Variants in GALNT13 observed in about 807,000 individuals in gnomAD.
GALNT13 encodes polypeptide N-acetylgalactosaminyltransferase 13, also known as UDP-GalNAc:polypeptide N-acetylgalactosaminyltransferase 13.
In GALNT13, 28 loss-of-function variants were observed where a neutral mutation model predicts 64.2. The ratio of observed to expected loss-of-function variants is 0.44; its 90% CI spans 0.32 to 0.60. The LOEUF is 0.60. Among genes scored for constraint, GALNT13 ranks in the 20% least tolerant of loss-of-function variants. The pLI, the probability that GALNT13 is intolerant of heterozygous loss-of-function variation, is 0.05. For synonymous variants in GALNT13, 214 were observed against 224.6 expected (o/e 0.95, Z 0.42); for missense variants, 577 against 669.8 (o/e 0.86, Z 1.53).
chr2:154,155,889 T>C (rs1336634352), intron 4 of GALNT13, among the ~76,000 whole-genome samples: 1 of 150,700 alleles, frequency 6.6e-6, no homozygotes, highest in Non-Finnish European at 1.5e-5. Flanking sequence ...AAATGGAGCA[T>C]ATTAATGGTT....
the GALNT13 span, among the ~76,000 whole-genome samples, chr2:153,705,609 A>G: frequency 6.6e-6 from 1 of 152,332 alleles, no homozygotes; most frequent in African/African-American, 2.4e-5. Context: ...ACAAACAGCT[A>G]TCTGAAACAT....
chr2:154,233,280 G>A (rs769986414), intron 4 of GALNT13, among the ~76,000 whole-genome samples: 1 of 152,070 alleles, frequency 6.6e-6, no homozygotes, highest in Non-Finnish European at 1.5e-5. Context: ...TTTAAGGAAG[G>A]TCTTTTAATG....
At chr2:153,199,730 A>G in the GALNT13 span, among the ~76,000 whole-genome samples, 2 of 152,334 alleles carry the variant, frequency 1.3e-5, no homozygotes, top group African/African-American at 4.8e-5. Context: ...GTAAAATTCA[A>G]GACAGTAAAT....
chr2:154,411,827 A>G (rs1474642733), intron 11 of GALNT13, among the ~76,000 whole-genome samples: 2 of 151,734 alleles, frequency 1.3e-5, no homozygotes, highest in Non-Finnish European at 3.0e-5. Flanking sequence ...GTTGTGTTGC[A>G]TTACCCTGAT....
At chr2:154,365,243 T>C (rs1169854495) in intron 9 of GALNT13, among the ~76,000 whole-genome samples, 1 of 152,206 alleles carries the variant, frequency 6.6e-6, no homozygotes, top group Non-Finnish European at 1.5e-5. Flanking sequence ...TCTGGGTTTC[T>C]AAGAATAGAT....
At chr2:153,100,783 C>G in the GALNT13 span, among the ~76,000 whole-genome samples, 1 of 152,162 alleles carries the variant, frequency 6.6e-6, no homozygotes, top group Non-Finnish European at 1.5e-5. Flanking sequence ...AATCCCAGCA[C>G]TTTGCGGGGC....
At chr2:153,618,182 G>A in the GALNT13 span, among the ~76,000 whole-genome samples, 1 of 151,602 alleles carries the variant, frequency 6.6e-6, no homozygotes, top group African/African-American at 2.4e-5. Flanking sequence ...CTCTCTGAGT[G>A]CTGCTTTTGC....
chr2:153,629,939 C>A, the GALNT13 span, among the ~76,000 whole-genome samples: 5 of 147,850 alleles, frequency 3.4e-5, no homozygotes, highest in East Asian at 3.9e-4. Flanking sequence ...AAATCAAAAC[C>A]ACTATGAGAT....
the GALNT13 span, among the ~76,000 whole-genome samples, chr2:153,438,584 C>T: frequency 6.6e-6 from 1 of 152,136 alleles, no homozygotes; most frequent in East Asian, 1.9e-4. Flanking sequence ...TTTCTTCTTC[C>T]ATCGCTGATA....
chr2:153,579,960 T>G, the GALNT13 span, among the ~76,000 whole-genome samples: 1 of 152,168 alleles, frequency 6.6e-6, no homozygotes, highest in Non-Finnish European at 1.5e-5. Flanking sequence ...GACCAGTGTC[T>G]TACAGAATTT....
At chr2:153,890,023 G>C (rs1408595765) in intron 1 of GALNT13, among the ~76,000 whole-genome samples, 1 of 151,676 alleles carries the variant, frequency 6.6e-6, no homozygotes, top group African/African-American at 2.4e-5. Context: ...ATACTATCAA[G>C]ATAATTGTTC....
chr2:153,389,961 G>A, the GALNT13 span, among the ~76,000 whole-genome samples: 7 of 152,132 alleles, frequency 4.6e-5, 1 homozygote, highest in Middle Eastern at 3.4e-3. Flanking sequence ...CCATTACTGC[G>A]TATATACCCA....
the GALNT13 span, among the ~76,000 whole-genome samples, chr2:153,819,899 TG>T: frequency 1.3e-5 from 2 of 152,186 alleles, no homozygotes; most frequent in East Asian, 3.9e-4. Flanking sequence ...TCTTCAGCAG[TG>T]GGTCCTAATC....
chr2:154,057,459 A>C (rs2105359402), intron 3 of GALNT13, among the ~76,000 whole-genome samples: 1 of 152,314 alleles, frequency 6.6e-6, no homozygotes, highest in East Asian at 1.9e-4. Flanking sequence ...TTATTCATTA[A>C]ATATTTATGT....
At chr2:153,487,808 T>C in the GALNT13 span, among the ~76,000 whole-genome samples, 80 of 152,288 alleles carry the variant, frequency 5.3e-4, 1 homozygote, top group South Asian at 0.011. Flanking sequence ...CTATTACAAG[T>C]TTGGGAACAA....
intron 2 of GALNT13, among the ~76,000 whole-genome samples, chr2:153,926,039 C>A (rs72865010): frequency 1.3e-5 from 2 of 151,922 alleles, no homozygotes; most frequent in South Asian, 4.1e-4. Context: ...ATTCTAATAC[C>A]CTTTATTTCT....
chr2:153,828,918 C>T, the GALNT13 span, among the ~76,000 whole-genome samples: 1 of 152,202 alleles, frequency 6.6e-6, no homozygotes, highest in South Asian at 2.1e-4. Context: ...TAAATCATCT[C>T]TCTTGAGTCT....
the GALNT13 span, among the ~76,000 whole-genome samples, chr2:153,753,751 A>C: frequency 6.6e-6 from 1 of 152,184 alleles, no homozygotes; most frequent in African/African-American, 2.4e-5. Flanking sequence ...GAGGCTCTAC[A>C]GTCAGCAGGT....
At chr2:153,124,927 A>G in the GALNT13 span, among the ~76,000 whole-genome samples, 1 of 152,218 alleles carries the variant, frequency 6.6e-6, no homozygotes, top group African/African-American at 2.4e-5. Flanking sequence ...TGTCTCAGTT[A>G]GAGGTCATTC....
Sources: gnomAD v4.1 joint callset for allele counts (sites outside exome capture counted in the v4.1 genomes callset) on GRCh38, gnomAD v4.1.1 for gene constraint, MANE v1.5 for transcripts, NCBI Gene and HGNC (gene_info 2026-07-23, HGNC 2026-07-21) for gene names.